Variants in LAMA2 observed in about 807,000 individuals in gnomAD.
The protein encoded by LAMA2 is laminin subunit alpha 2.
Under a neutral mutation model 364.8 loss-of-function variants are expected in LAMA2, and 269 were observed. The ratio of observed to expected loss-of-function variants is 0.74; its 90% CI spans 0.67 to 0.82. The LOEUF is 0.82. Ranked by LOEUF, LAMA2 falls within the 40% of genes least tolerant of loss-of-function variation. The pLI, the probability that LAMA2 is intolerant of heterozygous loss-of-function variation, is 0.00. For synonymous variants in LAMA2, 1,379 were observed against 1,370.6 expected (o/e 1.01, Z -0.14); for missense variants, 3,807 against 3,873.2 (o/e 0.98, Z 0.45).
At chr6:129,379,320 T>C (rs1017485224) in intron 34 of LAMA2, among the ~76,000 whole-genome samples, 1 of 150,266 alleles carries the variant, frequency 6.7e-6, no homozygotes, top group African/African-American at 2.5e-5. Flanking sequence ...CCATTATGCA[T>C]GGGTTTTTTT....
chr6:129,063,827 AACT>A (rs1789100578), intron 3 of LAMA2, among the ~76,000 whole-genome samples: 1 of 152,218 alleles, frequency 6.6e-6, no homozygotes, highest in Admixed American at 6.5e-5. Context: ...GAGGAGGATA[AACT>A]ACTATTTCTA....
chr6:128,920,315 G>A (rs1331798643), intron 1 of LAMA2, among the ~76,000 whole-genome samples: 2 of 151,810 alleles, frequency 1.3e-5, no homozygotes, highest in African/African-American at 2.4e-5. Flanking sequence ...GTGCCACCAC[G>A]CCCAGCTAAT....
rs117906789 is a variant in LAMA2, at chr6:129,245,604, T to C, written c.1783-4508T>C. ...ACGTATAACTTACCAAGACCACTTA[T>C]ATTTTGTTAGAATTTTTCAATGAAT... On this transcript the variant is annotated intron_variant, in intron 12 of 64. Coordinates refer to ENST00000421865, the MANE Select transcript of LAMA2 (RefSeq NM_000426.4). Among the ~76,000 whole-genome samples, 58 of 152,340 alleles carry C rather than the reference T, an allele frequency of 3.8e-4. No individual in the cohort carries two copies. In the East Asian group the frequency reaches 9.6e-3, roughly 25 times the overall value.
intron 12 of LAMA2, among the ~76,000 whole-genome samples, chr6:129,226,814 A>G (rs1164918105): frequency 6.6e-6 from 1 of 152,018 alleles, no homozygotes; most frequent in Non-Finnish European, 1.5e-5. Flanking sequence ...TGTGTCTTGA[A>G]GTTGCTCTTC....
rs149200998 is a variant in LAMA2, at chr6:129,237,222, A to C, written c.1783-12890A>C. Among the ~76,000 whole-genome samples, 403 of 152,338 alleles carry C rather than the reference A, an allele frequency of 2.6e-3. 1 individual carries two copies. The highest frequency in any genetic ancestry group is 8.9e-3 in the African/African-American group (369 of 41,574). On this transcript the variant is annotated intron_variant, in intron 12 of 64. Transcript: ENST00000421865. ...ACTTGCAAAGCATAATGTCAGTGTGAGTTGTCATTTCCATCATCATTTTTA... is the reference window on the plus strand; with the variant it reads ...ACTTGCAAAGCATAATGTCAGTGTGCGTTGTCATTTCCATCATCATTTTTA...
intron 37 of LAMA2, among the ~76,000 whole-genome samples, chr6:129,395,471 A>G (rs1177834659): frequency 6.6e-6 from 1 of 152,182 alleles, no homozygotes; most frequent in Non-Finnish European, 1.5e-5. Flanking sequence ...TGTCAAAAAG[A>G]CAAATTCTTG....
intron 22 of LAMA2, among the ~76,000 whole-genome samples, chr6:129,302,276 GGGA>G (rs1330320340): frequency 6.6e-6 from 1 of 151,784 alleles, no homozygotes; most frequent in Admixed American, 6.6e-5. Flanking sequence ...CAGTAATGTT[GGGA>G]ATCCTTTCAT....
rs190548241 is a variant in LAMA2, at chr6:129,067,872, T to C, written c.396+7976T>C. On this transcript the variant is annotated intron_variant, in intron 3 of 64. Transcript: ENST00000421865. The stretch of plus-strand genomic sequence containing the variant: ...TGGTTTTTATTCAAGTGTTACCTTC[T>C]CAACAAGGGCCTCCTTGACAACTCT... 1.4e-4 allele frequency among the ~76,000 whole-genome samples: 21 copies of C among 152,346 alleles called. 1 individual carries two copies. In the East Asian group the frequency reaches 3.7e-3, roughly 27 times the overall value.
intron 1 of LAMA2, chr6:128,905,350 C>A (rs1364913342): frequency 6.6e-6 from 1 of 151,962 alleles, no homozygotes; most frequent in South Asian, 2.1e-4. Flanking sequence ...AACCTCTTAC[C>A]TCCATTTCAC....
chr6:129,301,078 A>G (rs1773521796), intron 22 of LAMA2, among the ~76,000 whole-genome samples: 1 of 152,162 alleles, frequency 6.6e-6, no homozygotes, highest in African/African-American at 2.4e-5. Flanking sequence ...GCAGCTGAAC[A>G]CTTGAAATCT....
intron 1 of LAMA2, among the ~76,000 whole-genome samples, chr6:128,947,709 G>A (rs576222710): frequency 1.3e-5 from 2 of 152,254 alleles, no homozygotes; most frequent in African/African-American, 4.8e-5. Flanking sequence ...GTGAGACTGT[G>A]GCTGTTACAT....
In LAMA2 at chr6:129,252,107, A is replaced by G; in HGVS notation, c.1908A>G (p.Thr636=). ...ILEGNDLSIS[T]AQDEVYLHPS... Reference sequence around the variant, plus strand: ...AGGGTAATGACTTGAGCATCAGCACAGCCCAAGATGAGGTGTACCTGCACC... The same window carrying G: ...AGGGTAATGACTTGAGCATCAGCACGGCCCAAGATGAGGTGTACCTGCACC... Residue 636 remains threonine (T), a synonymous_variant, in exon 14 of 65, where the codon ACA becomes ACG. Transcript: ENST00000421865. 6.2e-7 allele frequency: 1 copy of G among 1,612,882 alleles called. No homozygotes were observed. The highest frequency in any genetic ancestry group is 8.5e-7 in the Non-Finnish European group (1 of 1,179,094).
At position 129,402,374 on chromosome 6, in the gene LAMA2, T is replaced by A; in HGVS notation, c.5613T>A (p.Asn1871Lys). The change falls in exon 39 of 65, where the codon AAT becomes AAA. Residue 1871 changes from asparagine to lysine, a missense_variant. Asn to Lys is a moderately conservative substitution (Grantham distance 94, BLOSUM62 0). This residue lies in a region of LAMA2 where 3,333 missense variants were observed against 3,345.7 expected (regional missense o/e 1.00). Coordinates refer to ENST00000421865, the MANE Select transcript of LAMA2 (RefSeq NM_000426.4). ...TKLPPMSEEL[N>K]DKIDDLSQEI... is the part of the protein sequence containing the mutation. Reference sequence around the variant, plus strand: ...TGCCACCTATGTCTGAGGAGCTTAATGATAAAATAGATGACCTCTCCCAAG... The same window carrying A: ...TGCCACCTATGTCTGAGGAGCTTAAAGATAAAATAGATGACCTCTCCCAAG... 6.2e-7 allele frequency: 1 copy of A among 1,614,024 alleles called. No individual in the cohort carries two copies. Among genetic ancestry groups the A allele is most frequent in the South Asian group, 1.1e-5 (1 of 91,078 alleles).
intron 2 of LAMA2, 108 bp downstream of exon 2, chr6:129,050,196 A>G: frequency 8.9e-7 from 1 of 1,122,460 alleles, no homozygotes; most frequent in Non-Finnish European, 1.3e-6. Flanking sequence ...AAGAATTCCT[A>G]GAATTCTTTT....
intron 4 of LAMA2, among the ~76,000 whole-genome samples, chr6:129,100,750 A>G (rs558520685): frequency 1.3e-5 from 2 of 152,346 alleles, no homozygotes; most frequent in African/African-American, 4.8e-5. Context: ...GCATAGAAAA[A>G]GACACAAGGA....
chr6:129,316,870 A>G (rs536471177), intron 27 of LAMA2, among the ~76,000 whole-genome samples: 1 of 152,364 alleles, frequency 6.6e-6, no homozygotes, highest in South Asian at 2.1e-4. Flanking sequence ...AAGCTTTTAA[A>G]GAAAGAATGT....
At chr6:129,262,628 G>A (rs1224732158) in intron 15 of LAMA2, among the ~76,000 whole-genome samples, 1 of 152,064 alleles carries the variant, frequency 6.6e-6, no homozygotes, top group Non-Finnish European at 1.5e-5. Flanking sequence ...TTTTCTCTCT[G>A]ACTTCTTCAT....
intron 61 of LAMA2, among the ~76,000 whole-genome samples, chr6:129,505,877 C>T (rs11154483): frequency 0.62 from 93,402 of 151,750 alleles, 29,683 homozygotes; most frequent in Non-Finnish European, 0.69. Flanking sequence ...GACAATGCCA[C>T]GGAACACTGA....
chr6:129,456,325 AC>A lies in LAMA2; in HGVS notation c.6708-7del, dbSNP rs1374435320. On this transcript the variant is annotated splice_polypyrimidine_tract_variant and intron_variant, in intron 47 of 64. Coordinates refer to ENST00000421865, the MANE Select transcript of LAMA2 (RefSeq NM_000426.4). ...GTTCCTCCCCTTCACTTCAACACGT[AC>A]CCTTGAAGAACTGGGAGAAATGGAA... 6.2e-7 allele frequency: 1 copy of A among 1,612,514 alleles called. No homozygotes were observed. Among genetic ancestry groups the A allele is most frequent in the Admixed American group, 1.7e-5 (1 of 59,920 alleles).
Sources: allele counts gnomAD v4.1 joint callset (sites outside exome capture counted in the v4.1 genomes callset), GRCh38; gene constraint gnomAD v4.1.1; regional missense constraint gnomAD v4.1.1; transcripts MANE v1.5; gene names NCBI Gene and HGNC (gene_info 2026-07-23, HGNC 2026-07-21).